The following RTF2 variants were observed in gnomAD, a reference collection of about 807,000 sequenced individuals.
RTF2 encodes replication termination factor 2.
A neutral mutation model predicts 38.0 loss-of-function variants in RTF2; 18 were observed. That is an observed-to-expected ratio of 0.47 (90% CI 0.33 to 0.70). The LOEUF is 0.70. RTF2 is among the 30% of genes least tolerant of loss of function. The pLI is 0.02. For synonymous variants in RTF2, 126 were observed against 137.1 expected, an observed-to-expected ratio of 0.92 and a Z score of 0.57; for missense variants, 311 against 379.6, an observed-to-expected ratio of 0.82 and a Z score of 1.50.
At chr20:56,472,249 C>A in intron 1 of RTF2, 1 of 836,984 alleles carries the variant, frequency 1.2e-6, no homozygotes, top group Non-Finnish European at 1.9e-6. Flanking sequence ...ATAAATTCAG[C>A]AGGATTGTTT....
At chr20:56,481,343 G>A (rs917392139) in intron 4 of RTF2, among the ~76,000 whole-genome samples, 2 of 152,238 alleles carry the variant, frequency 1.3e-5, no homozygotes, top group African/African-American at 2.4e-5. Flanking sequence ...CGTGTTGCGT[G>A]TGGCAGACTG....
At chr20:56,506,626 T>C (rs1984288993) in intron 5 of RTF2, among the ~76,000 whole-genome samples, 1 of 152,240 alleles carries the variant, frequency 6.6e-6, no homozygotes, top group Non-Finnish European at 1.5e-5. Context: ...GTTTGCTTTT[T>C]CGTTTAACTT....
In RTF2 at chr20:56,497,341, T is replaced by A. The variant is rs1005264603; in HGVS notation, c.477+13152T>A. On this transcript the variant is annotated intron_variant, in intron 5 of 8. Transcript: ENST00000357348. Reference sequence around the variant, plus strand: ...ATGAAATGCAGCCCCCGAGAAATCCTGGAGCAGTTTCCTGGTGTGTGTAAA... The same window carrying A: ...ATGAAATGCAGCCCCCGAGAAATCCAGGAGCAGTTTCCTGGTGTGTGTAAA... 5 of 1,550,182 alleles carry A rather than the reference T, an allele frequency of 3.2e-6. No homozygotes were observed. In the Admixed American group the frequency reaches 5.9e-5, roughly 18 times the overall value.
chr20:56,476,863 T>G, intron 3 of RTF2, 122 bp from the exon 4 acceptor site: 1 of 880,422 alleles, frequency 1.1e-6, no homozygotes, highest in Non-Finnish European at 1.8e-6. Flanking sequence ...CAGAGGAAAG[T>G]AACTGTGAGG....
chr20:56,514,014 C>T (rs1984861376), intron 6 of RTF2: 1 of 153,036 alleles, frequency 6.5e-6, no homozygotes, highest in African/African-American at 2.4e-5. Context: ...GATGCAACTC[C>T]TCAGGGTCAC....
chr20:56,516,796 CCTT>C (rs1985067392), intron 6 of RTF2, 136 bp from the exon 7 acceptor site: 3 of 750,538 alleles, frequency 4.0e-6, no homozygotes, highest in Non-Finnish European at 4.6e-6. Flanking sequence ...ACATCAAAAG[CCTT>C]CTTCAGAGTG....
At chr20:56,484,903 A>G (rs984781380) in intron 5 of RTF2, among the ~76,000 whole-genome samples, 1 of 151,964 alleles carries the variant, frequency 6.6e-6, no homozygotes, top group Non-Finnish European at 1.5e-5. Context: ...TCCTGTATCA[A>G]CCCTGTTTGT....
intron 3 of RTF2, among the ~76,000 whole-genome samples, 186 bp from the exon 4 acceptor site, chr20:56,476,799 T>C (rs1982269764): frequency 6.6e-6 from 1 of 152,056 alleles, no homozygotes; most frequent in Non-Finnish European, 1.5e-5. Flanking sequence ...ACACCCGGCC[T>C]TGTTTTCTGT....
At chr20:56,513,574 A>G in intron 6 of RTF2, 146 bp downstream of exon 6, 2 of 1,019,572 alleles carry the variant, frequency 2.0e-6, no homozygotes, top group Non-Finnish European at 1.4e-6. Flanking sequence ...GTAGAAGCAG[A>G]TTCCAGCTGA....
At position 56,491,566 on chromosome 20, in the gene RTF2, C is replaced by G. The variant is rs1000326944; in HGVS notation, c.477+7377C>G. ...AGAAAGCAAACACTCCCTAGCGGTT[C>G]AGTCTCATATTGAAATGACTCTGCT... On this transcript the variant is annotated intron_variant, in intron 5 of 8. Coordinates refer to ENST00000357348, the MANE Select transcript of RTF2 (RefSeq NM_016407.5). 2.6e-6 allele frequency: 4 copies of G among 1,544,016 alleles called. No homozygotes were observed. The African/African-American group carries it at 5.5e-5, about 21-fold the overall frequency.
In RTF2 at chr20:56,513,618, C is replaced by T. The variant is rs898573155; in HGVS notation, c.591+190C>T. The stretch of plus-strand genomic sequence containing the variant: ...CACTGCCTTGCTGTGGTGAGCACGG[C>T]GGCTCTGCTCTTCCCCGCCGAGCTT... On this transcript the variant is annotated intron_variant, in intron 6 of 8. Coordinates refer to ENST00000357348, the MANE Select transcript of RTF2 (RefSeq NM_016407.5). Among the ~76,000 whole-genome samples, 7 of 152,152 alleles carry T rather than the reference C, an allele frequency of 4.6e-5. 1 individual carries two copies. Among genetic ancestry groups the T allele is most frequent in the Admixed American group, 2.0e-4 (3 of 15,276 alleles).
chr20:56,518,164 G>T lies in RTF2; in HGVS notation c.820G>T (p.Glu274Ter). 6 of 1,614,202 alleles carry T rather than the reference G, an allele frequency of 3.7e-6. No individual in the cohort carries two copies. Among genetic ancestry groups the T allele is most frequent in the Non-Finnish European group, 5.1e-6 (6 of 1,180,012 alleles). Residue 274 changes from glutamate to a stop codon, truncating the protein, a stop_gained, in exon 9 of 9, where the codon GAA (glutamate) becomes TAA (stop). Transcript: ENST00000357348. LOFTEE classifies it high-confidence loss of function. ...AAAGAGGTCCATCGCTGACAGTGAA[G>T]AATCGGAGGCCTACAAGTCCCTCTT... ...ATKRSIADSEESEAYKSLFTT... is the reference protein window; with the variant it reads ...ATKRSIADSE
intron 5 of RTF2, among the ~76,000 whole-genome samples, chr20:56,490,977 A>G (rs1272681494): frequency 6.6e-6 from 1 of 152,220 alleles, no homozygotes; most frequent in Admixed American, 6.5e-5. Flanking sequence ...CCATCACAGA[A>G]GGTGCTAGGA....
At chr20:56,482,667 AAAC>A (rs1370788733) in intron 4 of RTF2, among the ~76,000 whole-genome samples, 3 of 152,274 alleles carry the variant, frequency 2.0e-5, no homozygotes, top group African/African-American at 7.2e-5. Flanking sequence ...TAAAAATTCT[AAAC>A]AACATTCAGT....
intron 6 of RTF2, among the ~76,000 whole-genome samples, chr20:56,513,637 C>T (rs1355568496): frequency 3.9e-5 from 6 of 152,152 alleles, no homozygotes; most frequent in East Asian, 1.9e-4. Context: ...TCTTCCCCGC[C>T]GAGCTTTCTC....
At chr20:56,497,275 C>T (rs995347574) in intron 5 of RTF2, 17 of 1,551,340 alleles carry the variant, frequency 1.1e-5, no homozygotes, top group Non-Finnish European at 1.5e-5. Context: ...ATAATATATG[C>T]CAAAGAGAAA....
chr20:56,491,765 A>G lies in RTF2; in HGVS notation c.477+7576A>G, dbSNP rs1433708953. ...CAGGTCTCCTGGTCCGTATACGCAG[A>G]TGTCTTCGACGTAGCGGCCTGCAGA... On this transcript the variant is annotated intron_variant, in intron 5 of 8. Transcript: ENST00000357348. The G allele has an allele frequency of 2.6e-6, 4 of 1,551,774 alleles. No individual in the cohort carries two copies. In the Admixed American group the frequency reaches 5.9e-5, roughly 23 times the overall value.
At chr20:56,512,479 G>C (rs1161208379) in intron 5 of RTF2, among the ~76,000 whole-genome samples, 1 of 152,128 alleles carries the variant, frequency 6.6e-6, no homozygotes, top group African/African-American at 2.4e-5. Flanking sequence ...GTCACAGGGA[G>C]CCTCTGCAGA....
rs2146388849 is a variant in RTF2 at position 56,518,666 on chromosome 20, C to T, written c.*401C>T. ...AATAAATCAAGTAGGCCAAGTGAAA[C>T]TGGGCTTTAAAAAGGATGGATTTCA... On this transcript the variant is annotated 3_prime_UTR_variant, in exon 9 of 9. Coordinates refer to ENST00000357348, the MANE Select transcript of RTF2 (RefSeq NM_016407.5). 1 of 159,602 alleles carries T rather than the reference C, an allele frequency of 6.3e-6. No individual in the cohort carries two copies. Among genetic ancestry groups the T allele is most frequent in the South Asian group, 2.0e-4 (1 of 5,030 alleles). The allele number at this position is 159,602 out of a possible 1,614,324, so 9.9% of individuals were successfully genotyped here. A position where few individuals can be genotyped will look rare whatever the true frequency, so the allele number is the denominator to read the frequency against.
Sources: gnomAD v4.1 joint callset for allele counts (sites outside exome capture counted in the v4.1 genomes callset) on GRCh38, gnomAD v4.1.1 for gene constraint, MANE v1.5 for transcripts, NCBI Gene and HGNC (gene_info 2026-07-23, HGNC 2026-07-21) for gene names.